The following CHRM2 variants were observed in gnomAD, a reference collection of about 807,000 sequenced individuals.
CHRM2 encodes muscarinic acetylcholine receptor M2.
CHRM2 carries 8 observed loss-of-function variants against 25.0 expected under a neutral mutation model. That is an observed-to-expected ratio of 0.32 (90% confidence interval 0.19 to 0.58). The LOEUF (loss-of-function observed/expected upper bound fraction) is 0.58, where lower values mean the gene tolerates loss of function less well. CHRM2 is among the 20% of genes least tolerant of loss of function. The pLI is 0.88. For missense variants in CHRM2, 440 were observed against 567.1 expected, an observed-to-expected ratio of 0.78 and a Z score of 2.28; for synonymous variants, 202 against 205.7, an observed-to-expected ratio of 0.98 and a Z score of 0.15.
intron 2 of CHRM2, among the ~76,000 whole-genome samples, chr7:136,877,287 T>C (rs1322647625): frequency 2.6e-5 from 4 of 152,060 alleles, no homozygotes; most frequent in African/African-American, 7.2e-5. Context: ...GAAGCACATC[T>C]TTCAATGTAG....
intron 2 of CHRM2, among the ~76,000 whole-genome samples, chr7:136,951,724 T>A (rs1800422185): frequency 6.6e-6 from 1 of 152,166 alleles, no homozygotes; most frequent in Non-Finnish European, 1.5e-5. Context: ...ATTGGCTCCT[T>A]CCCACCCTCC....
chr7:136,938,703 T>G, intron 2 of CHRM2: 1 of 751,790 alleles, frequency 1.3e-6, no homozygotes. Context: ...GTGGACACCT[T>G]GTAGGACTGT....
chr7:136,956,040 A>G (rs1800703217), intron 2 of CHRM2, among the ~76,000 whole-genome samples: 1 of 152,206 alleles, frequency 6.6e-6, no homozygotes, highest in Non-Finnish European at 1.5e-5. Flanking sequence ...CCAGAGTTAG[A>G]AGTAACTCAG....
chr7:136,870,803 G>C (rs992503407), intron 2 of CHRM2: 2 of 152,262 alleles, frequency 1.3e-5, no homozygotes, highest in African/African-American at 4.8e-5. Flanking sequence ...GCCACCCAGG[G>C]CTCCAAGTCT....
chr7:136,936,046 C>G (rs1799392026), intron 2 of CHRM2, among the ~76,000 whole-genome samples: 1 of 152,080 alleles, frequency 6.6e-6, no homozygotes, highest in East Asian at 1.9e-4. Flanking sequence ...CACTGATTAT[C>G]TCATTTGGAA....
At chr7:136,884,682 T>C (rs1164280878) in intron 2 of CHRM2, among the ~76,000 whole-genome samples, 1 of 152,148 alleles carries the variant, frequency 6.6e-6, no homozygotes, top group African/African-American at 2.4e-5. Context: ...GATGTCCTCC[T>C]GGGGAATGTT....
chr7:137,009,928 TAC>T (rs1435590258), intron 3 of CHRM2, among the ~76,000 whole-genome samples: 1 of 151,952 alleles, frequency 6.6e-6, no homozygotes, highest in African/African-American at 2.4e-5. Context: ...AGATAGCTGA[TAC>T]ACACACATAC....
At chr7:137,003,573 C>G (rs1190428830) in intron 3 of CHRM2, among the ~76,000 whole-genome samples, 1 of 151,318 alleles carries the variant, frequency 6.6e-6, no homozygotes. Flanking sequence ...AGGCCCAAAC[C>G]TCTCAGCTTC....
At chr7:136,938,052 G>C (rs939561788) in intron 2 of CHRM2, among the ~76,000 whole-genome samples, 1 of 152,184 alleles carries the variant, frequency 6.6e-6, no homozygotes, top group Non-Finnish European at 1.5e-5. Flanking sequence ...GAACGTAATG[G>C]TGTATGAGAG....
intron 3 of CHRM2, among the ~76,000 whole-genome samples, chr7:137,013,719 A>G (rs1804977991): frequency 6.6e-6 from 1 of 152,080 alleles, no homozygotes; most frequent in African/African-American, 2.4e-5. Flanking sequence ...CTTACACACA[A>G]CAGGATAGGG....
At chr7:136,983,270 G>A (rs937019519) in intron 2 of CHRM2, among the ~76,000 whole-genome samples, 2 of 151,888 alleles carry the variant, frequency 1.3e-5, no homozygotes, top group Admixed American at 6.6e-5. Context: ...CAAAGTTCTC[G>A]TGCTGTGTTT....
At chr7:136,967,977 G>A (rs2130918200) in intron 2 of CHRM2, among the ~76,000 whole-genome samples, 1 of 151,814 alleles carries the variant, frequency 6.6e-6, no homozygotes, top group East Asian at 1.9e-4. Context: ...ACACAATTAG[G>A]TCAAATGATG....
chr7:136,877,088 A>G (rs1227949881), intron 2 of CHRM2, among the ~76,000 whole-genome samples: 1 of 152,080 alleles, frequency 6.6e-6, no homozygotes, highest in Non-Finnish European at 1.5e-5. Context: ...GATGAACTGG[A>G]ACATAGAAGG....
At chr7:136,989,167 A>G (rs1803051832) in intron 2 of CHRM2, among the ~76,000 whole-genome samples, 2 of 152,100 alleles carry the variant, frequency 1.3e-5, no homozygotes, top group Non-Finnish European at 2.9e-5. Flanking sequence ...ATATTGATCC[A>G]TATTTAATAT....
chr7:136,949,875 G>A (rs984584685), intron 2 of CHRM2, among the ~76,000 whole-genome samples: 2 of 151,890 alleles, frequency 1.3e-5, no homozygotes, highest in African/African-American at 2.4e-5. Flanking sequence ...TATAGCATAA[G>A]CCTGCGCTCT....
intron 3 of CHRM2, among the ~76,000 whole-genome samples, chr7:137,006,046 T>G (rs1007621536): frequency 3.3e-5 from 5 of 152,110 alleles, no homozygotes; most frequent in African/African-American, 1.2e-4. Flanking sequence ...ACAGAGGGCT[T>G]TCTCCACTTT....
intron 2 of CHRM2, among the ~76,000 whole-genome samples, chr7:136,966,034 T>G (rs1801395396): frequency 6.6e-6 from 1 of 151,966 alleles, no homozygotes; most frequent in African/African-American, 2.4e-5. Context: ...GACAGAACTC[T>G]GATAATATTG....
intron 3 of CHRM2, among the ~76,000 whole-genome samples, chr7:137,009,167 T>G (rs1325040844): frequency 6.6e-6 from 1 of 152,166 alleles, no homozygotes; most frequent in East Asian, 1.9e-4. Flanking sequence ...GCATCCTGCC[T>G]GACCTCAGCA....
intron 2 of CHRM2, chr7:136,938,433 G>A: frequency 7.4e-7 from 1 of 1,355,698 alleles, no homozygotes; most frequent in Non-Finnish European, 1.1e-6. Flanking sequence ...CAAACTTCTT[G>A]TTGAGGGTCT....
Sources: allele counts gnomAD v4.1 joint callset (sites outside exome capture counted in the v4.1 genomes callset), GRCh38; gene constraint gnomAD v4.1.1; transcripts MANE v1.5; gene names NCBI Gene and HGNC (gene_info 2026-07-23, HGNC 2026-07-21).